The following RHD variants were observed in gnomAD, a reference collection of about 807,000 sequenced individuals.
RHD encodes the protein blood group Rh(D) polypeptide.
Under a neutral mutation model 45.5 loss-of-function variants are expected in RHD, and 16 were observed. The observed-to-expected ratio is 0.35, with a 90% CI of 0.24 to 0.53. RHD has a LOEUF of 0.53. Ranked by LOEUF, RHD falls within the 20% of genes least tolerant of loss-of-function variation. The probability of loss-of-function intolerance (pLI) is 0.92; values close to 1 mark genes in which losing one functional copy is unlikely to be tolerated. For missense variants in RHD, 306 were observed against 532.0 expected (o/e 0.58, Z 4.18); for synonymous variants, 131 against 217.5 (o/e 0.60, Z 3.50).
At position 25,321,934 on chromosome 1, in the gene RHD, A is replaced by C. The variant is rs1644733477; in HGVS notation, c.1199A>C (p.Lys400Thr). The C allele has an allele frequency of 2.2e-6, 3 of 1,337,284 alleles. 1 individual carries two copies. The highest frequency in any genetic ancestry group is 3.2e-6 in the Non-Finnish European group (3 of 941,654). 82.8% of individuals were successfully genotyped at this position (1,337,284 alleles called of 1,614,324 possible). The change falls in exon 9 of 10, where the codon AAA becomes ACA. Residue 400 changes from lysine to threonine, a missense_variant. Coordinates refer to ENST00000328664, the MANE Select transcript of RHD (RefSeq NM_016124.6). ...ATATGGAAAGCACCTCATGAGGCTA[A>C]ATATTTTGATGACCAAGTTTTCTGG... ...LKIWKAPHEA[K>T]YFDDQVFWKF...
Position 25,307,129 on chromosome 1 carries a change from T to C in RHD, c.1073+400T>C, listed in dbSNP as rs1194691443. 4.5e-5 allele frequency among the ~76,000 whole-genome samples: 6 copies of C among 132,348 alleles called. 2 individuals carry two copies. Among genetic ancestry groups the C allele is most frequent in the African/African-American group, 1.6e-4 (6 of 38,450 alleles). 86.8% of individuals were successfully genotyped at this position (132,348 alleles called of 152,430 possible). On this transcript the variant is annotated intron_variant, in intron 7 of 9. Transcript: ENST00000328664. ...ACCTTTCTCAGCCTCAGTCGCCCCA[T>C]TGTAAATGGAGATAATGATACTATC...
At position 25,275,001 on chromosome 1, in the gene RHD, A is replaced by G. The variant is rs1189317694; in HGVS notation, c.148+2306A>G. On this transcript the variant is annotated intron_variant, in intron 1 of 9. Transcript: ENST00000328664. The stretch of plus-strand genomic sequence containing the variant: ...AGAACAACAAAAAAACAAAGAGGAG[A>G]GCAGGGACTGGGTGTGGTGACTCAT... Among the ~76,000 whole-genome samples, 4 of 131,244 alleles carry G rather than the reference A, an allele frequency of 3.0e-5. No individual in the cohort carries two copies. The East Asian group carries it at 7.8e-4, about 26-fold the overall frequency. The allele number at this position is 131,244 out of a possible 152,430, so 86.1% of individuals were successfully genotyped here.
rs556360130 is a variant in RHD, at chr1:25,315,015, C to A, written c.1074-1985C>A. Among the ~76,000 whole-genome samples, 16 of 129,464 alleles carry A rather than the reference C, an allele frequency of 1.2e-4. 5 individuals are homozygous for A. In the South Asian group the frequency reaches 3.8e-3, roughly 31 times the overall value. The allele number at this position is 129,464 out of a possible 152,430, so 84.9% of individuals were successfully genotyped here. ...GTCAAGAGATCGAGATCATCCTGGC[C>A]AACATGGTGAAGCCCTGTGCCTACT... is the stretch of plus-strand genomic sequence containing the variant. On this transcript the variant is annotated intron_variant, in intron 7 of 9. Coordinates refer to ENST00000328664, the MANE Select transcript of RHD (RefSeq NM_016124.6).
rs1416601051 is a variant in RHD at position 25,329,056 on chromosome 1, G to T, written c.*132G>T. ...TGTTCGCGCAGGCACTGGAGTCAGA[G>T]AAAATGGAGTTGAATCCTTTCTCTG... On this transcript the variant is annotated 3_prime_UTR_variant, in exon 10 of 10. Transcript: ENST00000328664. 2.9e-6 allele frequency: 4 copies of T among 1,366,476 alleles called. 1 individual carries two copies. 84.6% of individuals were successfully genotyped at this position (1,366,476 alleles called of 1,614,324 possible). A position where few individuals can be genotyped will look rare whatever the true frequency, so the allele number is the denominator to read the frequency against.
At position 25,276,835 on chromosome 1, in the gene RHD, A is replaced by G. The variant is rs187736521; in HGVS notation, c.148+4140A>G. ...TAATCCCAGCACTTTGGGAGGCCAA[A>G]GCAGGCAGATCACGAGGTCTGGAGA... On this transcript the variant is annotated intron_variant, in intron 1 of 9. Coordinates refer to ENST00000328664, the MANE Select transcript of RHD (RefSeq NM_016124.6). 5.7e-3 allele frequency among the ~76,000 whole-genome samples: 758 copies of G among 132,808 alleles called. 110 individuals carry two copies. Among genetic ancestry groups the G allele is most frequent in the African/African-American group, 0.018 (684 of 38,992 alleles). The allele number at this position is 132,808 out of a possible 152,430, so 87.1% of individuals were successfully genotyped here.
chr1:25,311,372 T>C lies in RHD; in HGVS notation c.1073+4643T>C, dbSNP rs1644137616. On this transcript the variant is annotated intron_variant, in intron 7 of 9. Transcript: ENST00000328664. ...CGACTGATAAGAAAACTAGTACACA[T>C]AAATTAGCCAGGCGTGGTGGTGGGC... 1.5e-5 allele frequency among the ~76,000 whole-genome samples: 2 copies of C among 129,068 alleles called. 1 individual carries two copies. The highest frequency in any genetic ancestry group is 3.7e-5 in the Non-Finnish European group (2 of 54,492). 84.7% of individuals were successfully genotyped at this position (129,068 alleles called of 152,430 possible).
intron 7 of RHD, among the ~76,000 whole-genome samples, chr1:25,312,097 A>G (rs887483382): frequency 3.1e-5 from 3 of 98,332 alleles, no homozygotes; most frequent in African/African-American, 1.1e-4. Context: ...ACAGGGGCAG[A>G]GCTCCCCGAA....
Position 25,307,537 on chromosome 1 carries a change from C to T in RHD, c.1073+808C>T, listed in dbSNP as rs1643912796. 9.4e-6 allele frequency: 5 copies of T among 534,510 alleles called. 1 individual carries two copies. The highest frequency in any genetic ancestry group is 1.8e-5 in the Non-Finnish European group (5 of 282,920). The allele number at this position is 534,510 out of a possible 1,614,324, so 33.1% of individuals were successfully genotyped here. A position where few individuals can be genotyped will look rare whatever the true frequency, so the allele number is the denominator to read the frequency against. On this transcript the variant is annotated intron_variant, in intron 7 of 9. Coordinates refer to ENST00000328664, the MANE Select transcript of RHD (RefSeq NM_016124.6). The stretch of plus-strand genomic sequence containing the variant: ...TATTGACTGCTTTAAAAGTGTTGGG[C>T]ATTGTGCTAGAAACCATTATATGCA...
intron 7 of RHD, among the ~76,000 whole-genome samples, chr1:25,313,012 G>A (rs1176727147): frequency 2.5e-5 from 3 of 120,344 alleles, no homozygotes; most frequent in African/African-American, 8.3e-5. Flanking sequence ...TTTGGGGGCT[G>A]GGGCAGGATG....
Position 25,288,336 on chromosome 1 carries a change from C to T in RHD, c.336-2305C>T, listed in dbSNP as rs1329015144. ...AGACCACAGGCACACACCACCACACCTAGCTTTTTTTTTTTTTGCTTTTTG... is the reference window on the plus strand; with the variant it reads ...AGACCACAGGCACACACCACCACACTTAGCTTTTTTTTTTTTTGCTTTTTG... On this transcript the variant is annotated intron_variant, in intron 2 of 9. Coordinates refer to ENST00000328664, the MANE Select transcript of RHD (RefSeq NM_016124.6). 2.4e-5 allele frequency among the ~76,000 whole-genome samples: 3 copies of T among 127,370 alleles called. 1 individual carries two copies. In the South Asian group the frequency reaches 7.3e-4, roughly 31 times the overall value. 83.6% of individuals were successfully genotyped at this position (127,370 alleles called of 152,430 possible).
rs201512348 is a variant in RHD at position 25,307,743 on chromosome 1, G to A, written c.1073+1014G>A. 2,914 of 1,307,026 alleles carry A rather than the reference G, an allele frequency of 2.2e-3. 599 individuals carry two copies. In the South Asian group the frequency reaches 0.034, roughly 15 times the overall value. The allele number at this position is 1,307,026 out of a possible 1,614,324, so 81.0% of individuals were successfully genotyped here. A position where few individuals can be genotyped will look rare whatever the true frequency, so the allele number is the denominator to read the frequency against. ...CTCAGAGAAATCATGGAGGCGCTGC[G>A]GTTCCTACCGGTTCTTGGATGCCTT... On this transcript the variant is annotated intron_variant, in intron 7 of 9. Transcript: ENST00000328664.
chr1:25,307,873 C>A, intron 7 of RHD: 1 of 1,267,666 alleles, frequency 7.9e-7, no homozygotes, highest in Non-Finnish European at 1.1e-6. Flanking sequence ...CAAGGCGCCT[C>A]TGTGATGGGT....
rs768918814 is a variant in RHD, at chr1:25,321,924, C to A, written c.1189C>A (p.His397Asn). 7.5e-6 allele frequency: 10 copies of A among 1,337,832 alleles called. 2 individuals carry two copies. Among genetic ancestry groups the A allele is most frequent in the Middle Eastern group, 1.8e-4 (1 of 5,428 alleles). The allele number at this position is 1,337,832 out of a possible 1,614,324, so 82.9% of individuals were successfully genotyped here. A position where few individuals can be genotyped will look rare whatever the true frequency, so the allele number is the denominator to read the frequency against. Residue 397 changes from histidine (H) to asparagine (N), a missense_variant, in exon 9 of 10, where the codon CAT (histidine) becomes AAT (asparagine). Transcript: ENST00000328664. ...LLNLKIWKAP[H>N]EAKYFDDQVF... ...AAATCTTAAAATATGGAAAGCACCT[C>A]ATGAGGCTAAATATTTTGATGACCA... is the stretch of plus-strand genomic sequence containing the variant.
chr1:25,278,158 A>C (rs1571579670), intron 1 of RHD, among the ~76,000 whole-genome samples: 1 of 129,334 alleles, frequency 7.7e-6, no homozygotes, highest in Non-Finnish European at 1.8e-5. Context: ...GAGATTCTAG[A>C]GATATTTAGG....
chr1:25,285,339 G>C lies in RHD; in HGVS notation c.335+580G>C, dbSNP rs1641880576. Among the ~76,000 whole-genome samples, 3 of 133,950 alleles carry C rather than the reference G, an allele frequency of 2.2e-5. 1 individual carries two copies. The South Asian group carries it at 6.6e-4, about 30-fold the overall frequency. 87.9% of individuals were successfully genotyped at this position (133,950 alleles called of 152,430 possible). A position where few individuals can be genotyped will look rare whatever the true frequency, so the allele number is the denominator to read the frequency against. On this transcript the variant is annotated intron_variant, in intron 2 of 9. Transcript: ENST00000328664. ...AGTAGAGATAGGGTTTCTCCGTGTTGGTCAGGCTAGTCTCAAACTCCTGAC... is the reference window on the plus strand; with the variant it reads ...AGTAGAGATAGGGTTTCTCCGTGTTCGTCAGGCTAGTCTCAAACTCCTGAC...
Position 25,283,912 on chromosome 1 carries a change from G to A in RHD, c.149-661G>A, listed in dbSNP as rs582879. 3.0e-3 allele frequency among the ~76,000 whole-genome samples: 392 copies of A among 130,188 alleles called. 17 individuals carry two copies. The highest frequency in any genetic ancestry group is 9.9e-3 in the African/African-American group (342 of 34,404). 85.4% of individuals were successfully genotyped at this position (130,188 alleles called of 152,430 possible). The stretch of plus-strand genomic sequence containing the variant: ...TGGGCCCCTCCCTGCCCTCAGGTGC[G>A]TCTCTTCCACTCACCTGCCACAGCA... On this transcript the variant is annotated intron_variant, in intron 1 of 9. Transcript: ENST00000328664.
intron 1 of RHD, among the ~76,000 whole-genome samples, chr1:25,278,975 G>A (rs1641246151): frequency 7.7e-6 from 1 of 129,700 alleles, no homozygotes; most frequent in Admixed American, 7.5e-5. Flanking sequence ...GAGCCTGGGA[G>A]AGTGAAGCTG....
intron 7 of RHD, among the ~76,000 whole-genome samples, chr1:25,310,370 C>T (rs2124703667): frequency 7.5e-6 from 1 of 133,162 alleles, no homozygotes; most frequent in South Asian, 2.3e-4. Context: ...TGCTCTTGCC[C>T]TCTCACTGTG....
At chr1:25,292,549 CTGG>C (rs1208750307) in intron 3 of RHD, among the ~76,000 whole-genome samples, 5 of 130,600 alleles carry the variant, frequency 3.8e-5, no homozygotes, top group African/African-American at 1.3e-4. Context: ...TCAGCGGCTG[CTGG>C]TGCCATTTAC....
Sources: allele counts gnomAD v4.1 joint callset (sites outside exome capture counted in the v4.1 genomes callset), GRCh38; gene constraint gnomAD v4.1.1; transcripts MANE v1.5; gene names NCBI Gene and HGNC (gene_info 2026-07-23, HGNC 2026-07-21).